Variants in FRMD3 observed in about 807,000 individuals in gnomAD.
FRMD3 encodes FERM domain-containing protein 3.
A neutral mutation model predicts 70.2 loss-of-function variants in FRMD3; 33 were observed. The ratio of observed to expected loss-of-function variants is 0.47; its 90% CI spans 0.36 to 0.63. The LOEUF (loss-of-function observed/expected upper bound fraction) is 0.63, where lower values mean the gene tolerates loss of function less well. Ranked by LOEUF, FRMD3 falls within the 20% of genes least tolerant of loss-of-function variation. The pLI is 0.00. For synonymous variants in FRMD3, 279 were observed against 255.9 expected (o/e 1.09, Z -0.86); for missense variants, 632 against 711.4 (o/e 0.89, Z 1.27).
At chr9:83,514,126 C>T (rs1210654489) in intron 1 of FRMD3, among the ~76,000 whole-genome samples, 5 of 152,142 alleles carry the variant, frequency 3.3e-5, no homozygotes, top group Non-Finnish European at 7.4e-5. Context: ...ATTCACTCCC[C>T]TGGAAAGGGG....
At chr9:83,562,208 A>AT in the FRMD3 span, among the ~76,000 whole-genome samples, 2 of 152,232 alleles carry the variant, frequency 1.3e-5, no homozygotes, top group Admixed American at 1.3e-4. Context: ...AAGATAGAAG[A>AT]TCTCGCACAA....
In FRMD3 at chr9:83,264,426, C is replaced by T. The variant is rs369399611; in HGVS notation, c.1196-15910G>A. Among the ~76,000 whole-genome samples, 44 of 152,280 alleles carry T rather than the reference C, an allele frequency of 2.9e-4. 1 individual carries two copies. The highest frequency in any genetic ancestry group is 1.0e-3 in the African/African-American group (42 of 41,560). On this transcript the variant is annotated intron_variant, in intron 13 of 13. Transcript: ENST00000304195. ...TTGTCCAAACCCACAGAATGTACAC[C>T]ACCAAGGTGAACCCTAACGCAAACG...
chr9:83,260,088 A>G (rs765332304), intron 13 of FRMD3, among the ~76,000 whole-genome samples: 1 of 152,158 alleles, frequency 6.6e-6, no homozygotes, highest in African/African-American at 2.4e-5. Context: ...GACCCTCCCC[A>G]GTCCAGCATT....
chr9:83,447,201 T>C (rs1237498640), intron 1 of FRMD3, among the ~76,000 whole-genome samples: 1 of 152,084 alleles, frequency 6.6e-6, no homozygotes, highest in African/African-American at 2.4e-5. Context: ...TTTTTTGTAT[T>C]TTTAGTAGAG....
At chr9:83,489,681 T>G (rs183202416) in intron 1 of FRMD3, among the ~76,000 whole-genome samples, 47 of 152,318 alleles carry the variant, frequency 3.1e-4, no homozygotes, top group African/African-American at 1.1e-3. Flanking sequence ...AGTTCAGCCA[T>G]TGTGGAAAGC....
At chr9:83,261,661 A>G (rs1833001710) in intron 13 of FRMD3, among the ~76,000 whole-genome samples, 1 of 152,130 alleles carries the variant, frequency 6.6e-6, no homozygotes, top group African/African-American at 2.4e-5. Context: ...GTATTGTTCA[A>G]CCTGGTACTA....
intron 1 of FRMD3, among the ~76,000 whole-genome samples, chr9:83,497,340 C>G (rs764448880): frequency 2.0e-5 from 3 of 151,974 alleles, no homozygotes; most frequent in Non-Finnish European, 4.4e-5. Flanking sequence ...ACCAAACGTT[C>G]AAAATGAAAT....
At chr9:83,275,900 A>G (rs1386387721) in intron 13 of FRMD3, 1 of 152,254 alleles carries the variant, frequency 6.6e-6, no homozygotes, top group African/African-American at 2.4e-5. Flanking sequence ...CTTCAGAAAC[A>G]TGCATGAGGA....
At chr9:83,428,098 C>T (rs887192861) in intron 1 of FRMD3, among the ~76,000 whole-genome samples, 1 of 152,058 alleles carries the variant, frequency 6.6e-6, no homozygotes, top group Non-Finnish European at 1.5e-5. Flanking sequence ...GTTTATAGGC[C>T]GGGTGAGGTG....
intron 6 of FRMD3, among the ~76,000 whole-genome samples, chr9:83,316,163 T>C (rs1269950240): frequency 1.2e-5 from 1 of 84,030 alleles, no homozygotes; most frequent in Non-Finnish European, 2.8e-5. Context: ...TTTTTTTTCT[T>C]TTTTTTTTTT....
chr9:83,300,956 C>T (rs985739924), intron 10 of FRMD3, among the ~76,000 whole-genome samples: 1 of 152,118 alleles, frequency 6.6e-6, no homozygotes, highest in African/African-American at 2.4e-5. Context: ...CAAAGAAGCC[C>T]CTTCCCACCA....
chr9:83,318,110 A>C (rs1455872366), intron 6 of FRMD3, among the ~76,000 whole-genome samples: 1 of 152,198 alleles, frequency 6.6e-6, no homozygotes, highest in East Asian at 1.9e-4. Context: ...ATTTTATTTA[A>C]TTTTTAATGT....
chr9:83,357,614 C>T (rs1824444654), intron 3 of FRMD3, among the ~76,000 whole-genome samples: 2 of 151,912 alleles, frequency 1.3e-5, no homozygotes, highest in Non-Finnish European at 1.5e-5. Flanking sequence ...TTAATTATGG[C>T]CATTCTTGCA....
At chr9:83,570,071 C>T in the FRMD3 span, among the ~76,000 whole-genome samples, 1 of 152,138 alleles carries the variant, frequency 6.6e-6, no homozygotes, top group Non-Finnish European at 1.5e-5. Context: ...CAAAGTGGTT[C>T]ATGTTGCTCA....
intron 1 of FRMD3, among the ~76,000 whole-genome samples, chr9:83,479,751 A>AAAT (rs1828514637): frequency 4.8e-5 from 6 of 126,080 alleles, no homozygotes; most frequent in African/African-American, 1.5e-4. Context: ...AAAAGAAAAG[A>AAAT]GAAGAAGAAG....
intron 13 of FRMD3, among the ~76,000 whole-genome samples, chr9:83,285,709 A>G (rs1027735344): frequency 6.6e-6 from 1 of 152,224 alleles, no homozygotes; most frequent in Non-Finnish European, 1.5e-5. Flanking sequence ...AAAACACAGA[A>G]GCACGGTGCT....
chr9:83,340,459 C>T (rs1477768038), intron 5 of FRMD3, among the ~76,000 whole-genome samples: 2 of 152,102 alleles, frequency 1.3e-5, no homozygotes, highest in Admixed American at 6.5e-5. Flanking sequence ...TGCTTTAGCT[C>T]GAGTGGTCCA....
chr9:83,303,502 A>C (rs1361277817), intron 10 of FRMD3, among the ~76,000 whole-genome samples: 1 of 152,240 alleles, frequency 6.6e-6, no homozygotes, highest in Non-Finnish European at 1.5e-5. Flanking sequence ...GATTCAGTAG[A>C]TCTGGGGAAG....
intron 1 of FRMD3, among the ~76,000 whole-genome samples, chr9:83,463,285 TTAG>T (rs1220574196): frequency 6.6e-6 from 1 of 152,210 alleles, no homozygotes; most frequent in Non-Finnish European, 1.5e-5. Context: ...AATGATTGTA[TTAG>T]TCTATTCTCA....
Sources: allele counts gnomAD v4.1 joint callset (sites outside exome capture counted in the v4.1 genomes callset), GRCh38; gene constraint gnomAD v4.1.1; transcripts MANE v1.5; gene names NCBI Gene and HGNC (gene_info 2026-07-23, HGNC 2026-07-21).